Variants in ADGRL3 observed in about 807,000 individuals in gnomAD.
The protein encoded by ADGRL3 is calcium-independent alpha-latrotoxin receptor 3.
Under a neutral mutation model 153.5 loss-of-function variants are expected in ADGRL3, and 62 were observed. The observed-to-expected ratio is 0.40, with a 90% CI of 0.33 to 0.50. The LOEUF (loss-of-function observed/expected upper bound fraction) is 0.50. Ranked by LOEUF, ADGRL3 falls within the 20% of genes least tolerant of loss-of-function variation. The probability of loss-of-function intolerance (pLI) is 0.47; values close to 1 mark genes in which losing one functional copy is unlikely to be tolerated. For synonymous variants in ADGRL3, 710 were observed against 672.5 expected, an observed-to-expected ratio of 1.06 and a Z score of -0.86; for missense variants, 1,641 against 1,859.4, an observed-to-expected ratio of 0.88 and a Z score of 2.16.
chr4:61,430,023 C>A (rs1369666564), intron 2 of ADGRL3, among the ~76,000 whole-genome samples: 1 of 152,070 alleles, frequency 6.6e-6, no homozygotes, highest in Non-Finnish European at 1.5e-5. Flanking sequence ...TTGGACTATC[C>A]TAACTGAATG....
At chr4:61,365,464 T>C (rs1378809694) in intron 1 of ADGRL3, among the ~76,000 whole-genome samples, 1 of 152,200 alleles carries the variant, frequency 6.6e-6, no homozygotes. Flanking sequence ...AGATCATTCA[T>C]ATATTGGAGG....
chr4:61,363,459 G>A (rs112629057), intron 1 of ADGRL3, among the ~76,000 whole-genome samples: 26 of 151,948 alleles, frequency 1.7e-4, no homozygotes, highest in African/African-American at 5.8e-4. Flanking sequence ...TTGTAAACAC[G>A]TAGGTTATGA....
At chr4:61,954,516 C>T (rs1315612314) in intron 17 of ADGRL3, among the ~76,000 whole-genome samples, 4 of 152,056 alleles carry the variant, frequency 2.6e-5, no homozygotes, top group South Asian at 2.1e-4. Context: ...AAATCAGGCA[C>T]TTCATACCTT....
intron 8 of ADGRL3, among the ~76,000 whole-genome samples, chr4:61,812,044 C>A (rs2097632290): frequency 6.6e-6 from 1 of 152,144 alleles, no homozygotes; most frequent in Admixed American, 6.5e-5. Context: ...TCAAACCAAT[C>A]TGTATGTAAT....
intron 4 of ADGRL3, among the ~76,000 whole-genome samples, chr4:61,520,458 T>C (rs559677614): frequency 1.3e-5 from 2 of 152,136 alleles, no homozygotes; most frequent in South Asian, 2.1e-4. Context: ...ACAAAACATC[T>C]GAAAAACTCT....
intron 21 of ADGRL3, among the ~76,000 whole-genome samples, chr4:62,008,671 G>A (rs1192288241): frequency 6.6e-6 from 1 of 150,516 alleles, no homozygotes; most frequent in Non-Finnish European, 1.5e-5. Context: ...TATATTTACA[G>A]GTTAAAAATT....
At chr4:61,808,385 C>T (rs141950758) in intron 8 of ADGRL3, among the ~76,000 whole-genome samples, 1 of 152,112 alleles carries the variant, frequency 6.6e-6, no homozygotes. Context: ...CATCAGTAAC[C>T]TTTGCACCTC....
At position 61,369,960 on chromosome 4, in the gene ADGRL3, G is replaced by A. The variant is rs1228459729; in HGVS notation, c.-239-13164G>A. 2.0e-5 allele frequency among the ~76,000 whole-genome samples: 3 copies of A among 152,034 alleles called. No homozygotes were observed. In the South Asian group the frequency reaches 6.2e-4, roughly 32 times the overall value. On this transcript the variant is annotated intron_variant, in intron 1 of 26. Coordinates refer to ENST00000683033, the MANE Select transcript of ADGRL3 (RefSeq NM_001387552.1). ...ACTTCTTCCTGGTTTAGTCTTGGGA[G>A]AGTGTATGTGTCAAGGAATTTATCC... is the stretch of plus-strand genomic sequence containing the variant.
At chr4:61,269,627 G>A (rs1316702854) in intron 1 of ADGRL3, among the ~76,000 whole-genome samples, 4 of 151,538 alleles carry the variant, frequency 2.6e-5, no homozygotes, top group African/African-American at 9.7e-5. Flanking sequence ...TTCTAAATAT[G>A]GCCTAATGCT....
chr4:61,437,446 G>C (rs1261725155), intron 2 of ADGRL3, among the ~76,000 whole-genome samples: 1 of 151,972 alleles, frequency 6.6e-6, no homozygotes, highest in Admixed American at 6.6e-5. Context: ...TCCCATTTTC[G>C]TTTCTCTTAC....
chr4:61,872,703 C>CCAT (rs2098452894), intron 9 of ADGRL3, among the ~76,000 whole-genome samples: 1 of 151,416 alleles, frequency 6.6e-6, no homozygotes, highest in Non-Finnish European at 1.5e-5. Flanking sequence ...AAACACTTTG[C>CCAT]CATCCAGAAA....
chr4:61,628,821 A>G (rs2092985758), intron 5 of ADGRL3, among the ~76,000 whole-genome samples: 1 of 152,238 alleles, frequency 6.6e-6, no homozygotes, highest in Non-Finnish European at 1.5e-5. Context: ...AGAGCCCTGT[A>G]TAAGAATCTT....
At chr4:61,762,154 T>C (rs1580697322) in intron 8 of ADGRL3, among the ~76,000 whole-genome samples, 2 of 152,306 alleles carry the variant, frequency 1.3e-5, no homozygotes, top group East Asian at 3.9e-4. Context: ...GATAGGAGCT[T>C]ATTATAATGT....
At chr4:61,269,936 T>G (rs2093066792) in intron 1 of ADGRL3, among the ~76,000 whole-genome samples, 1 of 151,642 alleles carries the variant, frequency 6.6e-6, no homozygotes, top group South Asian at 2.1e-4. Flanking sequence ...CAAGAGAAAT[T>G]AAATGGCATG....
intron 3 of ADGRL3, among the ~76,000 whole-genome samples, chr4:61,502,648 A>G (rs2098399583): frequency 6.6e-6 from 1 of 152,164 alleles, no homozygotes; most frequent in African/African-American, 2.4e-5. Flanking sequence ...TTGTTTTTAT[A>G]TAATTTTCAC....
At chr4:62,043,349 A>G (rs1439059547) in intron 24 of ADGRL3, among the ~76,000 whole-genome samples, 1 of 152,052 alleles carries the variant, frequency 6.6e-6, no homozygotes, top group East Asian at 1.9e-4. Context: ...AACTAATAAA[A>G]CAAATGTGAG....
At chr4:61,424,753 A>C (rs1310857304) in intron 2 of ADGRL3, among the ~76,000 whole-genome samples, 1 of 152,110 alleles carries the variant, frequency 6.6e-6, no homozygotes, top group Non-Finnish European at 1.5e-5. Flanking sequence ...GAGGAGGGTG[A>C]CTTGGGTGTA....
intron 13 of ADGRL3, among the ~76,000 whole-genome samples, chr4:61,930,683 T>G (rs2098814155): frequency 6.6e-6 from 1 of 152,150 alleles, no homozygotes; most frequent in South Asian, 2.1e-4. Flanking sequence ...TGCAAATGTG[T>G]ATCTAGTAGG....
chr4:61,875,393 C>A (rs1165414791), intron 9 of ADGRL3, among the ~76,000 whole-genome samples: 2 of 152,002 alleles, frequency 1.3e-5, no homozygotes, highest in African/African-American at 2.4e-5. Context: ...TCACATAACA[C>A]AAAAATAGTT....
Sources: gnomAD v4.1 joint callset for allele counts (sites outside exome capture counted in the v4.1 genomes callset) on GRCh38, gnomAD v4.1.1 for gene constraint, MANE v1.5 for transcripts, NCBI Gene and HGNC (gene_info 2026-07-23, HGNC 2026-07-21) for gene names.